PDLIM5: variants seen among roughly 807,000 people sequenced by gnomAD.
The protein encoded by PDLIM5 is PDZ and LIM domain 5, also known as PDZ and LIM domain protein 5.
A neutral mutation model predicts 64.2 loss-of-function variants in PDLIM5; 34 were observed. That is an observed-to-expected ratio of 0.53 (90% confidence interval 0.40 to 0.71). The LOEUF is 0.71. Among genes scored for constraint, PDLIM5 ranks in the 30% least tolerant of loss-of-function variants. PDLIM5 has a pLI of 0.00. For missense variants in PDLIM5, 683 were observed against 733.6 expected (o/e 0.93, Z 0.80); for synonymous variants, 253 against 269.1 (o/e 0.94, Z 0.59).
intron 3 of PDLIM5, among the ~76,000 whole-genome samples, chr4:94,527,932 G>A (rs1446108380): frequency 1.4e-4 from 22 of 152,194 alleles, no homozygotes. Flanking sequence ...CTGGGGAATT[G>A]GTGTACCAAA....
At chr4:94,520,499 T>G (rs868810514) in intron 2 of PDLIM5, among the ~76,000 whole-genome samples, 1 of 151,704 alleles carries the variant, frequency 6.6e-6, no homozygotes, top group Non-Finnish European at 1.5e-5. Context: ...TGAATGACTT[T>G]GTAGTCTTTC....
chr4:94,625,084 G>T (rs1191318359), intron 8 of PDLIM5, among the ~76,000 whole-genome samples: 1 of 152,288 alleles, frequency 6.6e-6, no homozygotes, highest in East Asian at 1.9e-4. Context: ...CCCTGGGCAG[G>T]GTGACTGCAG....
At chr4:94,484,318 G>A (rs2126110777) in intron 2 of PDLIM5, among the ~76,000 whole-genome samples, 1 of 152,232 alleles carries the variant, frequency 6.6e-6, no homozygotes, top group South Asian at 2.1e-4. Flanking sequence ...TAAATTTGAA[G>A]ATGTTAAAAT....
In PDLIM5 at chr4:94,660,057, G is replaced by A. The variant is rs574115405; in HGVS notation, c.1586-2365G>A. On this transcript the variant is annotated intron_variant, in intron 11 of 12. Coordinates refer to ENST00000317968, the MANE Select transcript of PDLIM5 (RefSeq NM_006457.5). ...ATTACAGGCACCTGTCACCACTCCC[G>A]GCTAATATTTTTGTATTTTTAGTGG... Among the ~76,000 whole-genome samples, 410 of 151,458 alleles carry A rather than the reference G, an allele frequency of 2.7e-3. 1 individual carries two copies. The highest frequency in any genetic ancestry group is 4.8e-3 in the Non-Finnish European group (323 of 67,870).
chr4:94,538,711 C>G (rs1297137903), intron 3 of PDLIM5, among the ~76,000 whole-genome samples: 2 of 152,176 alleles, frequency 1.3e-5, no homozygotes, highest in Admixed American at 6.5e-5. Flanking sequence ...TTTCCATTTT[C>G]TGTAACCTTT....
chr4:94,557,347 C>T (rs1185991836), intron 3 of PDLIM5, among the ~76,000 whole-genome samples: 1 of 152,126 alleles, frequency 6.6e-6, no homozygotes, highest in Non-Finnish European at 1.5e-5. Flanking sequence ...TGTGATGCCT[C>T]CAGCTTTGTT....
chr4:94,601,219 G>A (rs931125004), intron 7 of PDLIM5, among the ~76,000 whole-genome samples: 5 of 152,152 alleles, frequency 3.3e-5, no homozygotes, highest in African/African-American at 4.8e-5. Flanking sequence ...TGTCTGGTGA[G>A]GGACTGCTTC....
chr4:94,515,262 T>C (rs1729262642), intron 2 of PDLIM5, among the ~76,000 whole-genome samples: 1 of 152,144 alleles, frequency 6.6e-6, no homozygotes, highest in African/African-American at 2.4e-5. Context: ...TTAATATCTT[T>C]TCTTAGAATT....
chr4:94,467,407 C>G (rs1056081459), intron 2 of PDLIM5, among the ~76,000 whole-genome samples: 3 of 151,972 alleles, frequency 2.0e-5, no homozygotes, highest in Non-Finnish European at 2.9e-5. Flanking sequence ...CTCCGCCTCC[C>G]GGCTTCAAGC....
intron 4 of PDLIM5, among the ~76,000 whole-genome samples, chr4:94,574,666 A>G (rs1187625122): frequency 6.6e-6 from 1 of 152,182 alleles, no homozygotes; most frequent in Non-Finnish European, 1.5e-5. Context: ...CCTCTGAGCT[A>G]TCCCGCCTCC....
intron 7 of PDLIM5, chr4:94,608,033 T>TA (rs1324796919): frequency 1.5e-5 from 23 of 1,492,270 alleles, no homozygotes; most frequent in Non-Finnish European, 2.0e-5. Context: ...TCCTTTGCCT[T>TA]ATATATTTTA....
At chr4:94,600,000 C>T (rs569920935) in intron 7 of PDLIM5, among the ~76,000 whole-genome samples, 1 of 152,134 alleles carries the variant, frequency 6.6e-6, no homozygotes, top group East Asian at 1.9e-4. Flanking sequence ...TTAGGAGATA[C>T]ACAAAGCAGT....
intron 3 of PDLIM5, among the ~76,000 whole-genome samples, chr4:94,570,652 A>G (rs936726956): frequency 6.6e-6 from 1 of 152,232 alleles, no homozygotes; most frequent in African/African-American, 2.4e-5. Context: ...AACTGTTTAG[A>G]AAGACATCCT....
intron 3 of PDLIM5, among the ~76,000 whole-genome samples, chr4:94,572,697 A>G (rs1015809894): frequency 6.6e-6 from 1 of 152,184 alleles, no homozygotes; most frequent in African/African-American, 2.4e-5. Context: ...GACCTGTTAC[A>G]TTCCAGACAC....
chr4:94,612,550 G>A (rs1210451809), intron 7 of PDLIM5, among the ~76,000 whole-genome samples: 5 of 152,156 alleles, frequency 3.3e-5, no homozygotes, highest in Non-Finnish European at 2.9e-5. Flanking sequence ...GCATATACAT[G>A]CAAAAGTGTG....
At chr4:94,582,422 T>A in intron 5 of PDLIM5, 1 of 307,988 alleles carries the variant, frequency 3.2e-6, no homozygotes, top group Non-Finnish European at 5.9e-6. Flanking sequence ...CATTAATACA[T>A]AAAATAGTTT....
intron 7 of PDLIM5, chr4:94,608,018 A>C: frequency 7.1e-7 from 1 of 1,412,082 alleles, no homozygotes; most frequent in Non-Finnish European, 9.5e-7. Context: ...CTTTTCATTA[A>C]TATTTCCTTT....
intron 3 of PDLIM5, among the ~76,000 whole-genome samples, chr4:94,546,305 C>A (rs567524374): frequency 1.3e-5 from 2 of 152,196 alleles, no homozygotes; most frequent in East Asian, 3.9e-4. Context: ...TAAACCTTAC[C>A]GCCTACCTTA....
At chr4:94,494,432 G>GTTTTTTTTTTTTTTTTTTTTTTTTTT (rs61675663) in intron 2 of PDLIM5, among the ~76,000 whole-genome samples, 1 of 70,770 alleles carries the variant, frequency 1.4e-5, no homozygotes, top group African/African-American at 4.4e-5. Flanking sequence ...TTTTTTTCTT[G>GTTTTTTTTTTTTTTTTTTTTTTTTTT]TTTTTTTTTT....
Sources: gnomAD v4.1 joint callset for allele counts (sites outside exome capture counted in the v4.1 genomes callset) on GRCh38, gnomAD v4.1.1 for gene constraint, MANE v1.5 for transcripts, NCBI Gene and HGNC (gene_info 2026-07-23, HGNC 2026-07-21) for gene names.